The following CNBD2 variants were observed in gnomAD, a reference collection of about 807,000 sequenced individuals.
CNBD2 encodes cyclic nucleotide binding domain containing 2, also known as cyclic nucleotide-binding domain-containing protein 2.
CNBD2 carries 64 observed loss-of-function variants against 63.7 expected under a neutral mutation model. That is an observed-to-expected ratio of 1.00 (90% CI 0.82 to 1.24). The LOEUF is 1.24. Among genes scored for constraint, CNBD2 ranks in the 50% most tolerant of loss-of-function variants. The probability of loss-of-function intolerance (pLI) is 0.00; values close to 1 mark genes in which losing one functional copy is unlikely to be tolerated. For synonymous variants in CNBD2, 229 were observed against 255.4 expected (o/e 0.90, Z 0.99); for missense variants, 691 against 713.5 (o/e 0.97, Z 0.36).
chr20:35,964,556 ATTTT>A (rs61569495), upstream of CNBD2, among the ~76,000 whole-genome samples: 1 of 141,760 alleles, frequency 7.1e-6, no homozygotes, highest in African/African-American at 2.6e-5. Context: ...ACGCCCGGCT[ATTTT>A]TTTTTTTTGT....
chr20:36,026,842 G>A (rs534078385), intron 11 of CNBD2, among the ~76,000 whole-genome samples: 12 of 152,298 alleles, frequency 7.9e-5, no homozygotes, highest in Non-Finnish European at 1.2e-4. Flanking sequence ...TGACCGTATC[G>A]TGTTGTCATA....
At chr20:35,984,529 A>G in intron 5 of CNBD2, 98 bp from the exon 6 acceptor site, 1 of 1,309,108 alleles carries the variant, frequency 7.6e-7, no homozygotes, top group African/African-American at 1.5e-5. Flanking sequence ...GTGAGGAGAG[A>G]ATTCAGGGGG....
rs570383568 is a variant in CNBD2 at position 36,030,600 on chromosome 20, C to T, written c.1683C>T (p.Val561=). 148 of 1,614,172 alleles carry T rather than the reference C, an allele frequency of 9.2e-5. No individual in the cohort carries two copies. The South Asian group carries it at 1.6e-3, about 17-fold the overall frequency. Residue 561 remains valine (V), a synonymous_variant, in exon 12 of 12, where the codon GTC becomes GTT. Coordinates refer to ENST00000373973, the MANE Select transcript of CNBD2 (RefSeq NM_001365709.1). ...AATACCTCCCCCCATTGAGGATTGT[C>T]CAAGCCATCAAAGCACCTCGGTACA... ...PQKYLPPLRI[V]QAIKAPRYKI... is the part of the protein sequence containing the mutation.
At chr20:36,023,821 T>C in intron 11 of CNBD2, 50 bp downstream of exon 11, 1 of 1,477,512 alleles carries the variant, frequency 6.8e-7, no homozygotes, top group Non-Finnish European at 9.1e-7. Flanking sequence ...TGAACAATTT[T>C]TCACCTGTTA....
intron 8 of CNBD2, among the ~76,000 whole-genome samples, chr20:35,996,120 CTTCAAGTACCA>C (rs1351863162): frequency 6.6e-6 from 1 of 152,204 alleles, no homozygotes; most frequent in Non-Finnish European, 1.5e-5. Flanking sequence ...TTCTAGTACC[CTTCAAGTACCA>C]TTCAAGTACT....
intron 7 of CNBD2, among the ~76,000 whole-genome samples, chr20:35,991,887 T>C (rs182977274): frequency 6.7e-6 from 1 of 149,094 alleles, no homozygotes; most frequent in Non-Finnish European, 1.5e-5. Flanking sequence ...CTTCTTTTAT[T>C]TTTTTTTTTT....
chr20:35,975,466 AATTTTTTGTATTTTTAGTAGAG>A (rs2056500128), intron 2 of CNBD2, among the ~76,000 whole-genome samples: 2 of 102,776 alleles, frequency 1.9e-5, no homozygotes, highest in Non-Finnish European at 4.0e-5. Context: ...ACGCCCGGCT[AATTTTTTGTATTTTTAGTAGAG>A]ACGGGGTTTC....
intron 7 of CNBD2, among the ~76,000 whole-genome samples, chr20:35,988,866 T>A (rs1208745711): frequency 1.3e-5 from 2 of 152,216 alleles, no homozygotes; most frequent in African/African-American, 4.8e-5. Flanking sequence ...TCGCAATTGC[T>A]GCCATACTGA....
upstream of CNBD2, among the ~76,000 whole-genome samples, chr20:35,968,132 A>G (rs1250964379): frequency 6.6e-6 from 1 of 152,236 alleles, no homozygotes; most frequent in African/African-American, 2.4e-5. Flanking sequence ...TAGTATACGC[A>G]TTCCTACCCA....
At chr20:36,010,971 A>G (rs192825670) in intron 9 of CNBD2, among the ~76,000 whole-genome samples, 166 bp from the exon 10 acceptor site, 7 of 152,212 alleles carry the variant, frequency 4.6e-5, no homozygotes, top group Non-Finnish European at 1.5e-5. Context: ...CCAATTCCTG[A>G]CAATGGGAGT....
chr20:35,955,300 A>G (rs2056243277), exon 1 of CNBD2: 1 of 152,302 alleles, frequency 6.6e-6, no homozygotes, highest in South Asian at 2.1e-4. Context: ...AATACTTTTT[A>G]ATACTGATTA....
At chr20:35,957,256 A>G (rs1345781209), downstream of CNBD2, among the ~76,000 whole-genome samples, 2 of 152,194 alleles carry the variant, frequency 1.3e-5, no homozygotes, top group East Asian at 3.9e-4. Flanking sequence ...ATTCAGCAGT[A>G]AAAAAATAAT....
downstream of CNBD2, among the ~76,000 whole-genome samples, chr20:35,957,041 A>G (rs190257491): frequency 6.6e-6 from 1 of 152,332 alleles, no homozygotes; most frequent in African/African-American, 2.4e-5. Flanking sequence ...AAAGGGAATG[A>G]ACTTTTGTGG....
At chr20:36,008,163 CT>C (rs922508084) in intron 8 of CNBD2, 133 bp from the exon 9 acceptor site, 1,283 of 663,024 alleles carry the variant, frequency 1.9e-3, no homozygotes, top group South Asian at 2.7e-3. Context: ...TTTTATCTTT[CT>C]TTTTTTTTTA....
At chr20:35,996,788 A>G (rs565481235) in intron 8 of CNBD2, among the ~76,000 whole-genome samples, 50 of 152,128 alleles carry the variant, frequency 3.3e-4, no homozygotes, top group Non-Finnish European at 6.6e-4. Flanking sequence ...GATTACAGGC[A>G]TGAGCCACCG....
chr20:35,983,953 C>G, intron 4 of CNBD2, 29 bp from the exon 5 acceptor site: 1 of 1,613,956 alleles, frequency 6.2e-7, no homozygotes. Flanking sequence ...ATGTCACTAC[C>G]CAATCAACTA....
intron 2 of CNBD2, among the ~76,000 whole-genome samples, chr20:35,960,813 CTT>C: frequency 1.5e-5 from 2 of 134,732 alleles, no homozygotes; most frequent in African/African-American, 3.1e-5. Flanking sequence ...CTTCTCTTCC[CTT>C]CCCTTCCCTT....
chr20:36,023,482 C>A, intron 10 of CNBD2, 120 bp from the exon 11 acceptor site: 1 of 900,136 alleles, frequency 1.1e-6, no homozygotes, highest in Non-Finnish European at 1.6e-6. Flanking sequence ...CATTGCACTC[C>A]AGCCTGGGCA....
chr20:35,981,179 C>G (rs2056594775), intron 4 of CNBD2, among the ~76,000 whole-genome samples: 1 of 152,160 alleles, frequency 6.6e-6, no homozygotes, highest in Non-Finnish European at 1.5e-5. Flanking sequence ...GATTCGGGTT[C>G]TAGCTCTGAC....
Sources: allele counts gnomAD v4.1 joint callset (sites outside exome capture counted in the v4.1 genomes callset), GRCh38; gene constraint gnomAD v4.1.1; transcripts MANE v1.5; gene names NCBI Gene and HGNC (gene_info 2026-07-23, HGNC 2026-07-21).